ZNF618: variants seen among roughly 807,000 people sequenced by gnomAD.
ZNF618 encodes neural precursor cell expressed, developmentally down-regulated 10.
A neutral mutation model predicts 103.0 loss-of-function variants in ZNF618; 34 were observed. That is an observed-to-expected ratio of 0.33 (90% CI 0.25 to 0.44). The LOEUF is 0.44. Ranked by LOEUF, ZNF618 falls within the 20% of genes least tolerant of loss-of-function variation. ZNF618 has a pLI of 1.00. For missense variants in ZNF618, 1,059 were observed against 1,295.4 expected, an observed-to-expected ratio of 0.82 and a Z score of 2.80; for synonymous variants, 551 against 542.2, an observed-to-expected ratio of 1.02 and a Z score of -0.23.
At chr9:114,007,087 A>T (rs531369970) in intron 6 of ZNF618, among the ~76,000 whole-genome samples, 11 of 152,190 alleles carry the variant, frequency 7.2e-5, no homozygotes, top group Admixed American at 7.2e-4. Flanking sequence ...GGAAGGGGTG[A>T]TGTAGGGCAT....
intron 1 of ZNF618, among the ~76,000 whole-genome samples, chr9:113,960,194 C>T (rs1270174589): frequency 1.3e-5 from 2 of 152,236 alleles, no homozygotes; most frequent in African/African-American, 4.8e-5. Flanking sequence ...CTCAGTCCTG[C>T]AGCTTTCTCT....
intron 2 of ZNF618, among the ~76,000 whole-genome samples, chr9:113,980,670 A>T (rs1334944156): frequency 6.6e-6 from 1 of 152,252 alleles, no homozygotes; most frequent in South Asian, 2.1e-4. Context: ...CTTGGGGCAT[A>T]TCAAGTTGTA....
intron 10 of ZNF618, among the ~76,000 whole-genome samples, chr9:114,018,413 A>G (rs1216182913): frequency 6.6e-6 from 1 of 152,262 alleles, no homozygotes; most frequent in African/African-American, 2.4e-5. Context: ...CCTGGTGCCC[A>G]GGCTGGATGC....
intron 4 of ZNF618, among the ~76,000 whole-genome samples, chr9:114,000,861 G>A (rs1841128516): frequency 6.6e-6 from 1 of 152,194 alleles, no homozygotes; most frequent in Admixed American, 6.5e-5. Flanking sequence ...AAATGACAGA[G>A]TTAAGACTCT....
intron 1 of ZNF618, among the ~76,000 whole-genome samples, chr9:113,884,774 CAGAGAGAGAGAGAGAGAGAGAGAG>C (rs3034065): frequency 1.4e-5 from 2 of 142,168 alleles, no homozygotes; most frequent in African/African-American, 5.2e-5. Flanking sequence ...CACAAACACA[CAGAGAGAGAGAGAGAGAGAGAGAG>C]AGAGAGAGAG....
chr9:113,887,680 A>C (rs12551599), intron 1 of ZNF618, among the ~76,000 whole-genome samples: 1 of 151,956 alleles, frequency 6.6e-6, no homozygotes, highest in Non-Finnish European at 1.5e-5. Flanking sequence ...CAGGGTGGGG[A>C]GTCATCTCCC....
chr9:113,931,113 G>C (rs1054913506), intron 1 of ZNF618, among the ~76,000 whole-genome samples: 2 of 152,204 alleles, frequency 1.3e-5, no homozygotes, highest in Non-Finnish European at 2.9e-5. Context: ...CTGTTTTTCT[G>C]GATGGTATGT....
intron 4 of ZNF618, among the ~76,000 whole-genome samples, chr9:113,998,776 C>T (rs533677649): frequency 9.8e-5 from 15 of 152,354 alleles, no homozygotes; most frequent in South Asian, 8.3e-4. Flanking sequence ...GGACAGGCCA[C>T]GCCACGAGGT....
At chr9:113,995,486 A>G (rs781510142) in intron 3 of ZNF618, among the ~76,000 whole-genome samples, 1 of 152,224 alleles carries the variant, frequency 6.6e-6, no homozygotes, top group Non-Finnish European at 1.5e-5. Flanking sequence ...ACAAGATTCG[A>G]CATTAATTTA....
chr9:113,945,644 G>C (rs557584716), intron 1 of ZNF618, among the ~76,000 whole-genome samples: 20 of 152,354 alleles, frequency 1.3e-4, no homozygotes, highest in Admixed American at 1.2e-3. Flanking sequence ...GGGCTAGGGC[G>C]TCAGCCCCTG....
intron 1 of ZNF618, among the ~76,000 whole-genome samples, chr9:113,881,979 T>A (rs1390654423): frequency 6.6e-6 from 1 of 152,212 alleles, no homozygotes; most frequent in African/African-American, 2.4e-5. Flanking sequence ...TCCGGGAGGC[T>A]GTTGCTTTTT....
At chr9:114,028,568 G>A in intron 10 of ZNF618, 165 bp from the exon 11 acceptor site, 1 of 1,092,198 alleles carries the variant, frequency 9.2e-7, no homozygotes, top group Non-Finnish European at 1.3e-6. Flanking sequence ...CAGACTCCTG[G>A]ACTTTCTCTG....
intron 1 of ZNF618, among the ~76,000 whole-genome samples, chr9:113,881,305 TCTC>T (rs1456180971): frequency 1.3e-5 from 2 of 152,190 alleles, no homozygotes; most frequent in Non-Finnish European, 2.9e-5. Context: ...TCTGTCTTAG[TCTC>T]CTCATCTTTT....
chr9:114,008,734 G>A (rs903121592), intron 9 of ZNF618, among the ~76,000 whole-genome samples, 180 bp downstream of exon 9: 1 of 152,198 alleles, frequency 6.6e-6, no homozygotes, highest in African/African-American at 2.4e-5. Context: ...GAGCAGCAGG[G>A]CAGCACAGGG....
chr9:113,895,311 A>G (rs1014580980), intron 1 of ZNF618, among the ~76,000 whole-genome samples: 2 of 152,122 alleles, frequency 1.3e-5, no homozygotes, highest in African/African-American at 2.4e-5. Context: ...CCTTTTTATT[A>G]TGTACCCAGA....
At chr9:114,037,630 T>C (rs1408691171) in intron 13 of ZNF618, among the ~76,000 whole-genome samples, 2 of 152,222 alleles carry the variant, frequency 1.3e-5, no homozygotes, top group African/African-American at 4.8e-5. Context: ...TCACCTGTTA[T>C]TGTTATTGTA....
At chr9:113,988,661 G>A (rs541310126) in intron 3 of ZNF618, 81 bp downstream of exon 3, 23 of 1,481,896 alleles carry the variant, frequency 1.6e-5, no homozygotes, top group South Asian at 5.4e-5. Context: ...GCGGCCTGGC[G>A]CCTCTGCCCC....
In ZNF618 at chr9:114,050,937, C is replaced by G. The variant is rs190584554; in HGVS notation, c.*770C>G. 6.6e-6 allele frequency: 1 copy of G among 152,618 alleles called. No homozygotes were observed. The highest frequency in any genetic ancestry group is 1.9e-4 in the East Asian group (1 of 5,192). The allele number at this position is 152,618 out of a possible 1,614,324, so 9.5% of individuals were successfully genotyped here. ...CTTAGAAACACACCTATCTATCTCC[C>G]CAAATCAGGAAAGGAGACTTAAAGA... On this transcript the variant is annotated 3_prime_UTR_variant, in exon 15 of 15. Coordinates refer to ENST00000374126, the MANE Select transcript of ZNF618 (RefSeq NM_001318042.2).
chr9:114,011,829 G>A (rs576065492), intron 9 of ZNF618, among the ~76,000 whole-genome samples: 3 of 152,230 alleles, frequency 2.0e-5, no homozygotes, highest in Non-Finnish European at 4.4e-5. Context: ...CTAGAAAAGA[G>A]AGAGTTGGTC....
Sources: allele counts gnomAD v4.1 joint callset (sites outside exome capture counted in the v4.1 genomes callset), GRCh38; gene constraint gnomAD v4.1.1; transcripts MANE v1.5; gene names NCBI Gene and HGNC (gene_info 2026-07-23, HGNC 2026-07-21).